DHTKD1: variants seen among roughly 807,000 people sequenced by gnomAD.
The protein encoded by DHTKD1 is 2-oxoadipate dehydrogenase complex component E1.
A neutral mutation model predicts 101.8 loss-of-function variants in DHTKD1; 78 were observed. The ratio of observed to expected loss-of-function variants is 0.77; its 90% CI spans 0.64 to 0.93. The LOEUF (loss-of-function observed/expected upper bound fraction) is 0.93, where lower values mean the gene tolerates loss of function less well. DHTKD1 is among the 40% of genes least tolerant of loss of function. The pLI, the probability that DHTKD1 is intolerant of heterozygous loss-of-function variation, is 0.00. For synonymous variants in DHTKD1, 462 were observed against 450.3 expected, an observed-to-expected ratio of 1.03 and a Z score of -0.33; for missense variants, 1,223 against 1,161.7, an observed-to-expected ratio of 1.05 and a Z score of -0.77.
intron 1 of DHTKD1, among the ~76,000 whole-genome samples, chr10:12,080,287 A>T (rs1832795886): frequency 7.7e-6 from 1 of 130,496 alleles, no homozygotes; most frequent in Non-Finnish European, 1.6e-5. Context: ...GCAACAGAGC[A>T]AGACTCCGTC....
chr10:12,108,703 T>A (rs775504205), intron 12 of DHTKD1, among the ~76,000 whole-genome samples: 88 of 152,242 alleles, frequency 5.8e-4, no homozygotes, highest in Non-Finnish European at 1.2e-3. Context: ...CTTTCAGATA[T>A]ACAGAAAAGT....
chr10:12,081,435 T>C, intron 1 of DHTKD1, 37 bp from the exon 2 acceptor site: 1 of 1,598,320 alleles, frequency 6.3e-7, no homozygotes, highest in East Asian at 2.2e-5. Context: ...AGTCATCTCC[T>C]AAACTGTTTG....
At position 12,100,285 on chromosome 10, in the gene DHTKD1, C is replaced by CTTTTTTTTTTT. The variant is rs571364518; in HGVS notation, c.1756+24_1756+25insTTTTTTTTTTT. On this transcript the variant is annotated intron_variant, in intron 9 of 16. Coordinates refer to ENST00000263035, the MANE Select transcript of DHTKD1 (RefSeq NM_018706.7). ...AAGGTAAGAATTTTCTTTTTTTTTT[C>CTTTTTTTTTTT]TGTTTTTTTTTTTTTTGAGTCTCAC... 1.0e-4 allele frequency: 24 copies of CTTTTTTTTTTT among 229,474 alleles called. 1 individual carries two copies. The highest frequency in any genetic ancestry group is 1.4e-3 in the Middle Eastern group (1 of 714). The allele number at this position is 229,474 out of a possible 1,614,324, so 14.2% of individuals were successfully genotyped here. A position where few individuals can be genotyped will look rare whatever the true frequency, so the allele number is the denominator to read the frequency against.
intron 8 of DHTKD1, among the ~76,000 whole-genome samples, chr10:12,098,782 C>T (rs1196326633): frequency 2.0e-5 from 3 of 152,150 alleles, no homozygotes; most frequent in Non-Finnish European, 4.4e-5. Context: ...CCAGGTTGGT[C>T]TTGAACTCCT....
chr10:12,094,644 G>T (rs1160307836), intron 7 of DHTKD1, among the ~76,000 whole-genome samples: 1 of 150,418 alleles, frequency 6.6e-6, no homozygotes, highest in African/African-American at 2.5e-5. Context: ...GGCAGGACAT[G>T]AAACTTTAAG....
intron 5 of DHTKD1, among the ~76,000 whole-genome samples, chr10:12,090,444 C>CTTT (rs35062712): frequency 0.37 from 29,930 of 80,850 alleles, 5,457 homozygotes; most frequent in South Asian, 0.54. Flanking sequence ...TCCTTCCTTC[C>CTTT]TTCCTTCCTT....
chr10:12,084,800 C>G (rs762338516), intron 3 of DHTKD1, 49 bp downstream of exon 3: 22 of 1,573,460 alleles, frequency 1.4e-5, no homozygotes, highest in African/African-American at 2.7e-5. Context: ...CCTGTAATCC[C>G]AGCACTTTGG....
rs1440698771 is a variant in DHTKD1 at position 12,097,797 on chromosome 10, A to G, written c.1472A>G (p.His491Arg). 3 of 1,614,104 alleles carry G rather than the reference A, an allele frequency of 1.9e-6. No individual in the cohort carries two copies. Among genetic ancestry groups the G allele is most frequent in the Non-Finnish European group, 2.5e-6 (3 of 1,180,052 alleles). ...KSSYYAKLND[H>R]LNNMAHYRPP... is the part of the protein sequence containing the mutation. ...TCCTACTATGCCAAGTTGAATGATC[A>G]CTTAAATAACATGGCCCACTACAGG... Residue 491 changes from histidine (H) to arginine (R), a missense_variant, in exon 8 of 17, where the codon CAC becomes CGC. His to Arg is a conservative substitution (Grantham distance 29). Transcript: ENST00000263035.
Position 12,087,806 on chromosome 10 carries a change from G to A in DHTKD1, c.717+77G>A, listed in dbSNP as rs1832928364. ...GAATAAAACTGCTGGTTTCATTCTGGTGATAAATGATGGTGATGGTGATGG... is the reference window on the plus strand; with the variant it reads ...GAATAAAACTGCTGGTTTCATTCTGATGATAAATGATGGTGATGGTGATGG... On this transcript the variant is annotated intron_variant, in intron 4 of 16. Transcript: ENST00000263035. The surrounding 1 kb of genome is among the most constrained non-coding windows in gnomAD (Gnocchi z 5.2). 7.7e-7 allele frequency: 1 copy of A among 1,290,488 alleles called. No individual in the cohort carries two copies. The highest frequency in any genetic ancestry group is 1.0e-6 in the Non-Finnish European group (1 of 958,440). 79.9% of individuals were successfully genotyped at this position (1,290,488 alleles called of 1,614,324 possible).
intron 2 of DHTKD1, among the ~76,000 whole-genome samples, chr10:12,082,631 G>A (rs1177624941): frequency 3.5e-5 from 5 of 143,332 alleles, no homozygotes; most frequent in African/African-American, 1.0e-4. Context: ...TTTTTTTTGA[G>A]ACGGGCCTCC....
intron 13 of DHTKD1, among the ~76,000 whole-genome samples, chr10:12,114,311 T>G (rs1833380789): frequency 6.6e-6 from 1 of 152,086 alleles, no homozygotes; most frequent in African/African-American, 2.4e-5. Context: ...TTTTTTTTTT[T>G]TTTGAGACGG....
chr10:12,111,852 C>T (rs1443787153), intron 12 of DHTKD1, among the ~76,000 whole-genome samples: 1 of 152,066 alleles, frequency 6.6e-6, no homozygotes, highest in Non-Finnish European at 1.5e-5. Context: ...CACTAAGGGC[C>T]CATCTCAGAC....
intron 8 of DHTKD1, among the ~76,000 whole-genome samples, chr10:12,098,621 G>A (rs12218870): frequency 0.15 from 23,292 of 152,086 alleles, 2,067 homozygotes; most frequent in African/African-American, 0.25. Flanking sequence ...CTGGTGTGCA[G>A]TGGCGTGATC....
intron 3 of DHTKD1, among the ~76,000 whole-genome samples, chr10:12,086,193 T>C (rs1832893523): frequency 6.7e-6 from 1 of 149,670 alleles, no homozygotes; most frequent in Non-Finnish European, 1.5e-5. Flanking sequence ...TTTAAAAATT[T>C]ATTTAAAATT....
chr10:12,109,581 GAGA>G (rs759485050), intron 12 of DHTKD1, among the ~76,000 whole-genome samples: 29 of 151,926 alleles, frequency 1.9e-4, no homozygotes, highest in Non-Finnish European at 3.7e-4. Context: ...AGAGGATGCA[GAGA>G]AGAAGAAGAA....
intron 15 of DHTKD1, among the ~76,000 whole-genome samples, chr10:12,119,477 GTGGT>G (rs1833483444): frequency 3.3e-5 from 5 of 151,038 alleles, no homozygotes; most frequent in Admixed American, 2.6e-4. Context: ...TTAGCCGGGC[GTGGT>G]GGCGGGCGCC....
intron 5 of DHTKD1, among the ~76,000 whole-genome samples, chr10:12,091,279 G>A (rs1351301014): frequency 1.3e-5 from 2 of 151,608 alleles, no homozygotes; most frequent in African/African-American, 2.4e-5. Flanking sequence ...GGGTGTGGTG[G>A]TGCATGCCTA....
At chr10:12,069,515 T>C (rs1324258155) in intron 1 of DHTKD1, among the ~76,000 whole-genome samples, 1 of 125,674 alleles carries the variant, frequency 8.0e-6, no homozygotes, top group Non-Finnish European at 1.6e-5. Context: ...CTCTTTTTGT[T>C]TCCTTTTTTT....
rs1008471418 is a variant in DHTKD1 at position 12,117,604 on chromosome 10, G to A, written c.2320-69G>A. The A allele has an allele frequency of 9.3e-5, 84 of 901,504 alleles. 1 individual carries two copies. The highest frequency in any genetic ancestry group is 6.2e-4 in the Admixed American group (33 of 53,256). 55.8% of individuals were successfully genotyped at this position (901,504 alleles called of 1,614,324 possible). Reference sequence around the variant, plus strand: ...AACTTTGGTACTCGTGTTTGATAGCGGCCCTTGTAAGTGACAGCATCACCT... The same window carrying A: ...AACTTTGGTACTCGTGTTTGATAGCAGCCCTTGTAAGTGACAGCATCACCT... On this transcript the variant is annotated intron_variant, in intron 13 of 16. Transcript: ENST00000263035.
Sources: gnomAD v4.1 joint callset for allele counts (sites outside exome capture counted in the v4.1 genomes callset) on GRCh38, gnomAD v4.1.1 for gene constraint, Gnocchi (gnomAD v3.1) non-coding constraint, MANE v1.5 for transcripts, NCBI Gene and HGNC (gene_info 2026-07-23, HGNC 2026-07-21) for gene names.